The following CNTN3 variants were observed in gnomAD, a reference collection of about 807,000 sequenced individuals.
CNTN3 encodes contactin-3.
A neutral mutation model predicts 119.1 loss-of-function variants in CNTN3; 60 were observed. The observed-to-expected ratio is 0.50, with a 90% CI of 0.41 to 0.62. The LOEUF (loss-of-function observed/expected upper bound fraction) is 0.62, where lower values mean the gene tolerates loss of function less well. Among genes scored for constraint, CNTN3 ranks in the 20% least tolerant of loss-of-function variants. The probability of loss-of-function intolerance (pLI) is 0.00; values close to 1 mark genes in which losing one functional copy is unlikely to be tolerated. For synonymous variants in CNTN3, 450 were observed against 438.7 expected, an observed-to-expected ratio of 1.03 and a Z score of -0.32; for missense variants, 1,101 against 1,242.4, an observed-to-expected ratio of 0.89 and a Z score of 1.71.
intron 1 of CNTN3, among the ~76,000 whole-genome samples, chr3:74,604,461 T>C (rs952351656): frequency 2.0e-5 from 3 of 152,046 alleles, no homozygotes; most frequent in African/African-American, 7.2e-5. Context: ...AACAACTCCA[T>C]AGCAAGAAAA....
intron 5 of CNTN3, among the ~76,000 whole-genome samples, chr3:74,396,801 T>C (rs1429981305): frequency 6.1e-5 from 9 of 147,628 alleles, no homozygotes; most frequent in African/African-American, 2.0e-4. Flanking sequence ...AGAAGAGAAG[T>C]TGGAAGCTAG....
chr3:74,445,832 C>T (rs1395614339), intron 4 of CNTN3, among the ~76,000 whole-genome samples: 3 of 152,176 alleles, frequency 2.0e-5, no homozygotes, highest in Admixed American at 6.5e-5. Context: ...GAAGGTTTCA[C>T]AATTTGTCTA....
intron 4 of CNTN3, among the ~76,000 whole-genome samples, chr3:74,483,135 T>G (rs1296031431): frequency 6.6e-6 from 1 of 151,982 alleles, no homozygotes; most frequent in African/African-American, 2.4e-5. Context: ...AAATATAATT[T>G]CACTGTACAG....
chr3:74,520,664 G>A (rs973210925), intron 2 of CNTN3, among the ~76,000 whole-genome samples: 6 of 151,128 alleles, frequency 4.0e-5, no homozygotes, highest in African/African-American at 1.5e-4. Flanking sequence ...TTTGCTAAAA[G>A]TAAAACATAT....
Position 74,285,347 on chromosome 3 carries a change from C to G in CNTN3, c.2662G>C (p.Gly888Arg). 6.2e-7 allele frequency: 1 copy of G among 1,612,302 alleles called. No individual in the cohort carries two copies. Among genetic ancestry groups the G allele is most frequent in the South Asian group, 1.1e-5 (1 of 90,930 alleles). ...AVRAYNSAGA[G>R]PFSATVNVTT... The stretch of plus-strand genomic sequence containing the variant: ...ACATTAACTGTGGCGCTAAAAGGCC[C>G]AGCGCCGGCACTGTTGTAAGCCCGG... Residue 888 changes from glycine to arginine, a missense_variant, in exon 20 of 23, where the codon GGG (glycine) becomes CGG (arginine). Transcript: ENST00000263665.
intron 1 of CNTN3, among the ~76,000 whole-genome samples, chr3:74,599,982 A>G (rs1704881599): frequency 6.6e-6 from 1 of 152,108 alleles, no homozygotes; most frequent in Non-Finnish European, 1.5e-5. Flanking sequence ...AACCATTAAG[A>G]GCATTCCAGG....
intron 5 of CNTN3, among the ~76,000 whole-genome samples, chr3:74,385,260 G>A (rs1034636926): frequency 6.6e-6 from 1 of 152,140 alleles, no homozygotes; most frequent in Non-Finnish European, 1.5e-5. Flanking sequence ...CATCCCCTAG[G>A]GTGCTGGATG....
At chr3:74,605,911 T>C (rs958429568) in intron 1 of CNTN3, among the ~76,000 whole-genome samples, 22 of 152,278 alleles carry the variant, frequency 1.4e-4, no homozygotes, top group Admixed American at 1.3e-3. Flanking sequence ...AAGGAAGGTA[T>C]TGTGGCCACC....
chr3:74,317,778 CT>C (rs1354660695), intron 13 of CNTN3, among the ~76,000 whole-genome samples: 15 of 152,154 alleles, frequency 9.9e-5, no homozygotes, highest in Non-Finnish European at 7.4e-5. Flanking sequence ...ACATTTTTTC[CT>C]TCATTTCAAC....
chr3:74,439,364 A>T (rs1412136158), intron 4 of CNTN3, among the ~76,000 whole-genome samples: 2 of 151,456 alleles, frequency 1.3e-5, no homozygotes, highest in Admixed American at 6.6e-5. Context: ...AAAATTAGCC[A>T]GGCGTGGTGG....
At position 74,370,025 on chromosome 3, in the gene CNTN3, A is replaced by G. The variant is rs757288206; in HGVS notation, c.659-34T>C. 3 of 1,204,686 alleles carry G rather than the reference A, an allele frequency of 2.5e-6. No homozygotes were observed. The Admixed American group carries it at 6.7e-5, about 27-fold the overall frequency. 74.6% of individuals were successfully genotyped at this position (1,204,686 alleles called of 1,614,324 possible). A position where few individuals can be genotyped will look rare whatever the true frequency, so the allele number is the denominator to read the frequency against. ...CCACAATATAAAGTTAATCGTTTCA[A>G]TATTTCCTTTAGAATTGCCTCGTTT... On this transcript the variant is annotated intron_variant, in intron 6 of 22. Coordinates refer to ENST00000263665, the MANE Select transcript of CNTN3 (RefSeq NM_020872.3).
At chr3:74,287,685 A>G (rs1289791345) in intron 19 of CNTN3, among the ~76,000 whole-genome samples, 1 of 152,180 alleles carries the variant, frequency 6.6e-6, no homozygotes, top group Admixed American at 6.5e-5. Context: ...AACTATTGTC[A>G]GTCTGGCTCC....
At position 74,295,128 on chromosome 3, in the gene CNTN3, C is replaced by A; in HGVS notation, c.2510G>T (p.Gly837Val). The A allele has an allele frequency of 6.3e-7, 1 of 1,597,894 alleles. No individual in the cohort carries two copies. The highest frequency in any genetic ancestry group is 8.6e-7 in the Non-Finnish European group (1 of 1,165,640). The change falls in exon 19 of 23, where the codon GGC (glycine) becomes GTC (valine). Residue 837 changes from glycine to valine, a missense_variant. Gly to Val is a moderately radical substitution (Grantham distance 109). Coordinates refer to ENST00000263665, the MANE Select transcript of CNTN3 (RefSeq NM_020872.3). ...PWKLSNGHLL[G>V]YEVRYWNGGG... ...AATCGGAAAAGAAATTACCTCATAGCCCAGTAAATGTCCATTGCTCAACTT... is the reference window on the plus strand; with the variant it reads ...AATCGGAAAAGAAATTACCTCATAGACCAGTAAATGTCCATTGCTCAACTT...
chr3:74,349,690 A>G (rs1013256458), intron 11 of CNTN3, among the ~76,000 whole-genome samples: 1 of 152,194 alleles, frequency 6.6e-6, no homozygotes, highest in Non-Finnish European at 1.5e-5. Flanking sequence ...ATGTAATGAT[A>G]TTGGGCGTTT....
chr3:74,474,060 A>C (rs1215590161), intron 4 of CNTN3, among the ~76,000 whole-genome samples: 1 of 152,192 alleles, frequency 6.6e-6, no homozygotes, highest in Admixed American at 6.5e-5. Flanking sequence ...GTGGGGCAGT[A>C]CTAGAAAGAG....
chr3:74,458,991 C>T (rs908832695), intron 4 of CNTN3, among the ~76,000 whole-genome samples: 1 of 151,946 alleles, frequency 6.6e-6, no homozygotes. Flanking sequence ...TCCCTAAATA[C>T]TAGAGCTATA....
chr3:74,465,577 T>C lies in CNTN3; in HGVS notation c.358+20879A>G, dbSNP rs1702446786. 2.0e-5 allele frequency among the ~76,000 whole-genome samples: 3 copies of C among 152,214 alleles called. No homozygotes were observed. In the South Asian group the frequency reaches 6.2e-4, roughly 31 times the overall value. ...ATTGAGGATTGTTTCCATTTCTTCT[T>C]ATATCTATCCAGAAGTCATTGTACA... On this transcript the variant is annotated intron_variant, in intron 4 of 22. Coordinates refer to ENST00000263665, the MANE Select transcript of CNTN3 (RefSeq NM_020872.3).
At chr3:74,565,880 G>C (rs563339947) in intron 1 of CNTN3, among the ~76,000 whole-genome samples, 3 of 152,134 alleles carry the variant, frequency 2.0e-5, no homozygotes, top group African/African-American at 7.2e-5. Flanking sequence ...CATGTCATGG[G>C]AGGGACTGGT....
intron 5 of CNTN3, among the ~76,000 whole-genome samples, chr3:74,391,482 G>T (rs1381688129): frequency 6.7e-6 from 1 of 150,142 alleles, no homozygotes; most frequent in East Asian, 2.0e-4. Flanking sequence ...TATATGTAAA[G>T]TACATCTCTG....
Sources: allele counts gnomAD v4.1 joint callset (sites outside exome capture counted in the v4.1 genomes callset), GRCh38; gene constraint gnomAD v4.1.1; transcripts MANE v1.5; gene names NCBI Gene and HGNC (gene_info 2026-07-23, HGNC 2026-07-21).